COLGALT2: variants seen among roughly 807,000 people sequenced by gnomAD.
COLGALT2 encodes the protein collagen beta(1-O)galactosyltransferase 2.
COLGALT2 carries 49 observed loss-of-function variants against 73.4 expected under a neutral mutation model. That is an observed-to-expected ratio of 0.67 (90% CI 0.53 to 0.85). The LOEUF (loss-of-function observed/expected upper bound fraction) is 0.85, where lower values mean the gene tolerates loss of function less well. COLGALT2 is among the 40% of genes least tolerant of loss of function. The pLI is 0.00. For missense variants in COLGALT2, 722 were observed against 790.2 expected (o/e 0.91, Z 1.03); for synonymous variants, 295 against 307.6 (o/e 0.96, Z 0.43).
At chr1:183,945,585 C>A (rs919851344) in intron 8 of COLGALT2, 21 bp from the exon 9 acceptor site, 4 of 1,612,764 alleles carry the variant, frequency 2.5e-6, no homozygotes, top group Non-Finnish European at 3.4e-6. Context: ...TAAAACACGT[C>A]TGGAGATTAA....
chr1:184,013,165 A>G (rs1360486205), intron 1 of COLGALT2, among the ~76,000 whole-genome samples: 4 of 152,190 alleles, frequency 2.6e-5, no homozygotes, highest in Admixed American at 1.3e-4. Context: ...AAATACAAAA[A>G]TTAGCTGGGT....
intron 1 of COLGALT2, among the ~76,000 whole-genome samples, chr1:183,982,357 A>T (rs1373688827): frequency 3.3e-5 from 5 of 152,202 alleles, no homozygotes; most frequent in South Asian, 2.1e-4. Flanking sequence ...GTGCAACGTC[A>T]GCAAAAGTCA....
Position 183,937,741 on chromosome 1 carries a change from T to C in COLGALT2, c.*1020A>G. On this transcript the variant is annotated 3_prime_UTR_variant, in exon 12 of 12. Coordinates refer to ENST00000361927, the MANE Select transcript of COLGALT2 (RefSeq NM_015101.4). ...TTTCTCTGCCTTATCCTAAAGACAA[T>C]ATCTTCGCCCATTTTGTAAAATAAA... 1.0e-6 allele frequency: 1 copy of C among 985,332 alleles called. No individual in the cohort carries two copies. 61.0% of individuals were successfully genotyped at this position (985,332 alleles called of 1,614,324 possible). A position where few individuals can be genotyped will look rare whatever the true frequency, so the allele number is the denominator to read the frequency against.
chr1:183,936,977 T>C lies in COLGALT2; in HGVS notation c.*1784A>G. 1 of 1,231,752 alleles carries C rather than the reference T, an allele frequency of 8.1e-7. No homozygotes were observed. 76.3% of individuals were successfully genotyped at this position (1,231,752 alleles called of 1,614,324 possible). A position where few individuals can be genotyped will look rare whatever the true frequency, so the allele number is the denominator to read the frequency against. ...GAGATGAGGCTGCCTTGACTACCTA[T>C]TTGGTGATGAGACAGCTTGGTGATC... is the stretch of plus-strand genomic sequence containing the variant. On this transcript the variant is annotated 3_prime_UTR_variant, in exon 12 of 12. Coordinates refer to ENST00000361927, the MANE Select transcript of COLGALT2 (RefSeq NM_015101.4).
At chr1:184,013,426 T>C (rs184442391) in intron 1 of COLGALT2, among the ~76,000 whole-genome samples, 1 of 152,280 alleles carries the variant, frequency 6.6e-6, no homozygotes, top group East Asian at 1.9e-4. Flanking sequence ...GTGTGGTCTG[T>C]TACAAACCTT....
rs1671157040 is a variant in COLGALT2 at position 183,975,225 on chromosome 1, A to T, written c.375-11T>A. On this transcript the variant is annotated splice_polypyrimidine_tract_variant and intron_variant, in intron 2 of 11. Transcript: ENST00000361927. ...TCATCAGGGTAAGACCTAAAATAATAATAATAGCTCATCATTATTGAGTGC... is the reference window on the plus strand; with the variant it reads ...TCATCAGGGTAAGACCTAAAATAATTATAATAGCTCATCATTATTGAGTGC... 6.4e-7 allele frequency: 1 copy of T among 1,558,092 alleles called. No individual in the cohort carries two copies. Among genetic ancestry groups the T allele is most frequent in the Non-Finnish European group, 8.8e-7 (1 of 1,130,012 alleles).
chr1:184,010,439 G>T (rs1322426521), intron 1 of COLGALT2, among the ~76,000 whole-genome samples: 1 of 152,150 alleles, frequency 6.6e-6, no homozygotes, highest in African/African-American at 2.4e-5. Context: ...GGAGAGCTTC[G>T]CTATGGAATC....
At position 183,935,844 on chromosome 1, in the gene COLGALT2, G is replaced by GT. The variant is rs966809808; in HGVS notation, c.*2916dup. The GT allele has an allele frequency of 5.0e-5, 49 of 979,754 alleles. No individual in the cohort carries two copies. Among genetic ancestry groups the GT allele is most frequent in the Non-Finnish European group, 5.5e-5 (45 of 825,028 alleles). 60.7% of individuals were successfully genotyped at this position (979,754 alleles called of 1,614,324 possible). A position where few individuals can be genotyped will look rare whatever the true frequency, so the allele number is the denominator to read the frequency against. ...ATTGACAATCATATCTTTGAGCTAA[G>GT]TTTTTTTTTAATTTTTCACAAAGAG... is the stretch of plus-strand genomic sequence containing the variant. On this transcript the variant is annotated 3_prime_UTR_variant, in exon 12 of 12. Coordinates refer to ENST00000361927, the MANE Select transcript of COLGALT2 (RefSeq NM_015101.4).
At chr1:184,004,663 T>C (rs1050783779) in intron 1 of COLGALT2, among the ~76,000 whole-genome samples, 4 of 152,168 alleles carry the variant, frequency 2.6e-5, no homozygotes, top group Non-Finnish European at 4.4e-5. Context: ...TGAGGGACAA[T>C]GGCCCTTGGT....
intron 10 of COLGALT2, among the ~76,000 whole-genome samples, chr1:183,942,746 T>C (rs1425741509): frequency 6.6e-6 from 1 of 152,254 alleles, no homozygotes; most frequent in Admixed American, 6.5e-5. Context: ...TTTAAGGGGA[T>C]ATTTTGACTT....
intron 1 of COLGALT2, among the ~76,000 whole-genome samples, chr1:184,024,809 C>A (rs965471013): frequency 1.3e-5 from 2 of 152,024 alleles, no homozygotes; most frequent in South Asian, 4.2e-4. Flanking sequence ...TTCTACATAT[C>A]CAACATACTG....
chr1:183,982,460 A>C (rs913855539), intron 1 of COLGALT2, among the ~76,000 whole-genome samples: 3 of 152,212 alleles, frequency 2.0e-5, no homozygotes, highest in Admixed American at 2.0e-4. Flanking sequence ...CGTGATAGGA[A>C]GCATGCAGAG....
At chr1:183,987,720 G>A (rs973918364) in intron 1 of COLGALT2, among the ~76,000 whole-genome samples, 2 of 152,184 alleles carry the variant, frequency 1.3e-5, no homozygotes, top group Non-Finnish European at 2.9e-5. Context: ...TAAATGCTGA[G>A]CACAGATAAC....
intron 1 of COLGALT2, among the ~76,000 whole-genome samples, chr1:184,003,755 T>C (rs1671992480): frequency 6.6e-6 from 1 of 152,206 alleles, no homozygotes. Context: ...AATTTTTCTA[T>C]TACCATGTAC....
intron 5 of COLGALT2, among the ~76,000 whole-genome samples, chr1:183,968,553 T>C (rs1175743702): frequency 6.6e-6 from 1 of 152,224 alleles, no homozygotes. Context: ...AAAATTGCAG[T>C]GCATGCATGC....
intron 1 of COLGALT2, among the ~76,000 whole-genome samples, chr1:184,010,941 C>G (rs1456030066): frequency 6.6e-6 from 1 of 152,060 alleles, no homozygotes; most frequent in Admixed American, 6.6e-5. Flanking sequence ...TGCCCTCCAG[C>G]CAGAGGAAGC....
At chr1:184,006,966 T>A (rs950280927) in intron 1 of COLGALT2, among the ~76,000 whole-genome samples, 8 of 152,232 alleles carry the variant, frequency 5.3e-5, no homozygotes, top group Non-Finnish European at 8.8e-5. Flanking sequence ...TTGTTCATTC[T>A]AGTTTTACCA....
chr1:184,032,919 T>A (rs961989915), intron 1 of COLGALT2, among the ~76,000 whole-genome samples: 7 of 152,230 alleles, frequency 4.6e-5, no homozygotes, highest in African/African-American at 1.4e-4. Flanking sequence ...TAAAGTAGTA[T>A]GCAAAATGTT....
intron 1 of COLGALT2, among the ~76,000 whole-genome samples, chr1:183,989,439 G>A (rs1367316133): frequency 6.6e-6 from 1 of 152,174 alleles, no homozygotes; most frequent in Non-Finnish European, 1.5e-5. Context: ...CCCAAGGACT[G>A]GGCTTGCTAC....
Sources: gnomAD v4.1 joint callset for allele counts (sites outside exome capture counted in the v4.1 genomes callset) on GRCh38, gnomAD v4.1.1 for gene constraint, MANE v1.5 for transcripts, NCBI Gene and HGNC (gene_info 2026-07-23, HGNC 2026-07-21) for gene names.